Variants in TECR observed in about 807,000 individuals in gnomAD.
TECR encodes very-long-chain enoyl-CoA reductase.
A neutral mutation model predicts 50.6 loss-of-function variants in TECR; 19 were observed. The ratio of observed to expected loss-of-function variants is 0.38; its 90% CI spans 0.26 to 0.55. The LOEUF is 0.55. TECR is among the 20% of genes least tolerant of loss of function. TECR has a pLI of 0.79. For synonymous variants in TECR, 168 were observed against 163.5 expected, an observed-to-expected ratio of 1.03 and a Z score of -0.21; for missense variants, 313 against 408.3, an observed-to-expected ratio of 0.77 and a Z score of 2.01.
At chr19:14,546,781 G>A (rs918590832) in intron 1 of TECR, among the ~76,000 whole-genome samples, 4 of 152,042 alleles carry the variant, frequency 2.6e-5, no homozygotes, top group African/African-American at 9.7e-5. Flanking sequence ...ACCTCTGAGG[G>A]CGGGTTCAAG....
chr19:14,538,368 G>A (rs966993401), intron 1 of TECR, among the ~76,000 whole-genome samples: 40 of 152,154 alleles, frequency 2.6e-4, no homozygotes, highest in African/African-American at 9.2e-4. Flanking sequence ...GGGGGCCTGT[G>A]GGGGAGTGTG....
chr19:14,544,490 G>T (rs770983816), intron 1 of TECR, among the ~76,000 whole-genome samples: 1 of 152,122 alleles, frequency 6.6e-6, no homozygotes, highest in Non-Finnish European at 1.5e-5. Context: ...CATGATCTCG[G>T]GGTGTGCGGC....
chr19:14,532,145 C>CT (rs1288577396), intron 1 of TECR: 1 of 152,164 alleles, frequency 6.6e-6, no homozygotes, highest in Non-Finnish European at 1.5e-5. Context: ...TCTGAGCACC[C>CT]TGGGGGTGCG....
chr19:14,563,999 C>T lies in TECR; in HGVS notation c.285C>T (p.Tyr95=), dbSNP rs139981009. ...ACTCTCAGGTCTTCCTAACAGAGTA[C>T]GCGGGGCCCCTTTTCATCTACCTGC... ...ISWVTVFLTE[Y]AGPLFIYLLF... The change falls in exon 6 of 13, where the codon TAC becomes TAT. Residue 95 remains tyrosine (Y), a synonymous_variant. Coordinates refer to ENST00000215567, the MANE Select transcript of TECR (RefSeq NM_138501.6). The surrounding 1 kb of genome is among the most constrained non-coding windows in gnomAD (Gnocchi z 5.3). The T allele has an allele frequency of 1.6e-5, 26 of 1,614,040 alleles. No homozygotes were observed. Among genetic ancestry groups the T allele is most frequent in the Non-Finnish European group, 1.9e-5 (23 of 1,179,954 alleles).
chr19:14,549,857 C>T (rs1307648435), intron 1 of TECR, among the ~76,000 whole-genome samples: 1 of 151,854 alleles, frequency 6.6e-6, no homozygotes, highest in Non-Finnish European at 1.5e-5. Context: ...GCAGGAGAAT[C>T]ACTGGAACTC....
intron 1 of TECR, among the ~76,000 whole-genome samples, chr19:14,543,153 G>A (rs1269463171): frequency 1.3e-5 from 2 of 151,062 alleles, no homozygotes; most frequent in Non-Finnish European, 3.0e-5. Context: ...AAGTCACGGA[G>A]CTGAGCCTCC....
At chr19:14,558,818 C>T (rs2073821478) in intron 1 of TECR, among the ~76,000 whole-genome samples, 1 of 152,168 alleles carries the variant, frequency 6.6e-6, no homozygotes, top group Non-Finnish European at 1.5e-5. Context: ...GTCTGTCCTC[C>T]CTGCCTCACC....
At chr19:14,529,785 C>G in intron 1 of TECR, 74 bp downstream of exon 1, 1 of 1,604,892 alleles carries the variant, frequency 6.2e-7, no homozygotes, top group Non-Finnish European at 8.5e-7. Flanking sequence ...GACCACGGGA[C>G]CCCACTTTCT....
At chr19:14,540,961 A>G (rs113823799) in intron 1 of TECR, among the ~76,000 whole-genome samples, 1 of 151,684 alleles carries the variant, frequency 6.6e-6, no homozygotes, top group Non-Finnish European at 1.5e-5. Flanking sequence ...CAGGCTCCGG[A>G]GTAACTGGGA....
At chr19:14,544,750 G>A (rs1599444248) in intron 1 of TECR, among the ~76,000 whole-genome samples, 1 of 151,318 alleles carries the variant, frequency 6.6e-6, no homozygotes, top group Non-Finnish European at 1.5e-5. Flanking sequence ...CTTGTGCCCC[G>A]GCCTCCCAAG....
chr19:14,528,486 C>G (rs922587718), upstream of TECR, among the ~76,000 whole-genome samples: 11 of 151,012 alleles, frequency 7.3e-5, no homozygotes, highest in Non-Finnish European at 1.5e-4. Flanking sequence ...GATCTGCCCC[C>G]CTCGGCCTCC....
At chr19:14,555,449 T>G (rs989872921) in intron 1 of TECR, among the ~76,000 whole-genome samples, 5 of 137,580 alleles carry the variant, frequency 3.6e-5, no homozygotes, top group Non-Finnish European at 8.0e-5. Flanking sequence ...TTTTTTTTTT[T>G]TTTTTTTTTT....
intron 11 of TECR, 25 bp from the exon 12 acceptor site, chr19:14,565,593 G>T (rs956226884): frequency 1.9e-6 from 3 of 1,605,122 alleles, no homozygotes; most frequent in Non-Finnish European, 2.5e-6. Context: ...GGCTGCCCAC[G>T]CTCACTCTCC....
At chr19:14,528,590 G>A (rs1255415744), upstream of TECR, among the ~76,000 whole-genome samples, 1 of 152,046 alleles carries the variant, frequency 6.6e-6, no homozygotes, top group South Asian at 2.1e-4. Context: ...CACTAGACAC[G>A]ATTCTGGACG....
chr19:14,528,335 G>A (rs1366384056), upstream of TECR, among the ~76,000 whole-genome samples: 2 of 151,526 alleles, frequency 1.3e-5, no homozygotes, highest in Admixed American at 1.3e-4. Context: ...CGCCTCCCGG[G>A]TTCAAGCAAT....
intron 1 of TECR, chr19:14,562,316 G>C: frequency 9.2e-6 from 6 of 652,574 alleles, no homozygotes; most frequent in Non-Finnish European, 1.1e-5. Flanking sequence ...GGGGAGGTCG[G>C]TGGTGGGGGC....
rs1329589043 is a variant in TECR, at chr19:14,563,342, C to G, written c.118+85C>G. On this transcript the variant is annotated intron_variant, in intron 3 of 12. Transcript: ENST00000215567. This position sits in a 1 kb window ranked among gnomAD's most constrained non-coding sequence, Gnocchi z 5.3. ...GGGAGGGATCCCATCCTGCACCCCT[C>G]TCCCAGGGGCCTGCAGAGATGCCCC... 7.7e-7 allele frequency: 1 copy of G among 1,305,944 alleles called. No homozygotes were observed. Among genetic ancestry groups the G allele is most frequent in the African/African-American group, 1.5e-5 (1 of 68,520 alleles). The allele number at this position is 1,305,944 out of a possible 1,614,324, so 80.9% of individuals were successfully genotyped here. A position where few individuals can be genotyped will look rare whatever the true frequency, so the allele number is the denominator to read the frequency against.
chr19:14,533,662 C>G (rs376022270), intron 1 of TECR, among the ~76,000 whole-genome samples: 2 of 152,032 alleles, frequency 1.3e-5, no homozygotes, highest in East Asian at 1.9e-4. Context: ...TAGTGGAGAT[C>G]GGTGGCTGTT....
rs1360333497 is a variant in TECR, at chr19:14,563,633, T to G, written c.119-25T>G. The stretch of plus-strand genomic sequence containing the variant: ...GGCTGAGCCCTGCCAGGCTGTGGGC[T>G]GTAACTGCCCTGTTCTCCCCGCAGA... On this transcript the variant is annotated intron_variant, in intron 3 of 12. Coordinates refer to ENST00000215567, the MANE Select transcript of TECR (RefSeq NM_138501.6). The surrounding 1 kb of genome is among the most constrained non-coding windows in gnomAD (Gnocchi z 5.3). The G allele has an allele frequency of 1.2e-6, 2 of 1,610,686 alleles. No homozygotes were observed. Among genetic ancestry groups the G allele is most frequent in the African/African-American group, 2.7e-5 (2 of 74,812 alleles).
Sources: allele counts gnomAD v4.1 joint callset (sites outside exome capture counted in the v4.1 genomes callset), GRCh38; gene constraint gnomAD v4.1.1; non-coding constraint Gnocchi (gnomAD v3.1); transcripts MANE v1.5; gene names NCBI Gene and HGNC (gene_info 2026-07-23, HGNC 2026-07-21).